The following ERAP1 variants were observed in gnomAD, a reference collection of about 807,000 sequenced individuals.
ERAP1 encodes endoplasmic reticulum aminopeptidase 1.
In ERAP1, 86 loss-of-function variants were observed where a neutral mutation model predicts 103.7. The observed-to-expected ratio is 0.83, with a 90% confidence interval of 0.70 to 0.99. The LOEUF (loss-of-function observed/expected upper bound fraction) is 0.99. ERAP1 is among the 50% of genes least tolerant of loss of function. The pLI is 0.00. For synonymous variants in ERAP1, 398 were observed against 402.4 expected (o/e 0.99, Z 0.13); for missense variants, 1,009 against 1,128.4 (o/e 0.89, Z 1.52).
At chr5:96,869,043 GTC>G in the ERAP1 span, among the ~76,000 whole-genome samples, 2 of 151,768 alleles carry the variant, frequency 1.3e-5, no homozygotes, top group African/African-American at 4.8e-5. Flanking sequence ...CAACACAGGA[GTC>G]TCTGCAGTTA....
At chr5:96,866,243 T>C in the ERAP1 span, among the ~76,000 whole-genome samples, 1 of 152,222 alleles carries the variant, frequency 6.6e-6, no homozygotes, top group Non-Finnish European at 1.5e-5. Context: ...TCTCTTCCCC[T>C]TCCTAAGTGT....
At chr5:96,825,564 C>G in the ERAP1 span, among the ~76,000 whole-genome samples, 52 of 152,242 alleles carry the variant, frequency 3.4e-4, no homozygotes, top group African/African-American at 1.2e-3. Flanking sequence ...AGAACTTGAC[C>G]TATAGCATGT....
chr5:96,850,828 G>A, the ERAP1 span, among the ~76,000 whole-genome samples: 2,715 of 152,230 alleles, frequency 0.018, 105 homozygotes, highest in East Asian at 0.12. Context: ...TTTGTACACA[G>A]AATAGTTGAG....
chr5:96,901,612 G>C, the ERAP1 span: 1 of 1,614,104 alleles, frequency 6.2e-7, no homozygotes, highest in African/African-American at 1.3e-5. Context: ...TGTTCACTCC[G>C]ACTGCAACAG....
chr5:96,843,517 G>T, the ERAP1 span, among the ~76,000 whole-genome samples: 1 of 152,228 alleles, frequency 6.6e-6, no homozygotes, highest in Non-Finnish European at 1.5e-5. Flanking sequence ...ATGCACAGAA[G>T]TGGGGAGGTT....
At chr5:96,855,515 T>G in the ERAP1 span, among the ~76,000 whole-genome samples, 1 of 152,214 alleles carries the variant, frequency 6.6e-6, no homozygotes, top group Non-Finnish European at 1.5e-5. Context: ...CAGATGAACA[T>G]TCTCTGTGGA....
chr5:96,910,957 T>C, the ERAP1 span, among the ~76,000 whole-genome samples: 3 of 152,234 alleles, frequency 2.0e-5, no homozygotes, highest in Non-Finnish European at 4.4e-5. Flanking sequence ...TTGTTACCAA[T>C]TGTTATAAAG....
chr5:96,767,930 C>T, intron 19 of ERAP1: 1 of 1,613,340 alleles, frequency 6.2e-7, no homozygotes, highest in Non-Finnish European at 8.5e-7. Flanking sequence ...ACCAAGACCC[C>T]ATTGATGCTC....
the ERAP1 span, among the ~76,000 whole-genome samples, chr5:96,865,966 G>A: frequency 2.6e-5 from 4 of 152,100 alleles, no homozygotes; most frequent in Admixed American, 6.6e-5. Context: ...TTTACTCTAC[G>A]CATGTATGTT....
chr5:96,870,810 G>C, the ERAP1 span, among the ~76,000 whole-genome samples: 1 of 152,136 alleles, frequency 6.6e-6, no homozygotes, highest in Non-Finnish European at 1.5e-5. Flanking sequence ...CCAGAGCAGA[G>C]ACTTATCTGC....
At chr5:96,788,478 A>G (rs1353334860) in intron 11 of ERAP1, 53 bp downstream of exon 11, 11 of 1,603,424 alleles carry the variant, frequency 6.9e-6, no homozygotes, top group Non-Finnish European at 9.4e-6. Context: ...GTTCCATCCT[A>G]CAAGGCAGAT....
Position 96,795,112 on chromosome 5 carries a change from C to T in ERAP1, c.849G>A (p.Leu283=). 6.2e-7 allele frequency: 1 copy of T among 1,613,926 alleles called. No homozygotes were observed. Among genetic ancestry groups the T allele is most frequent in the Non-Finnish European group, 8.5e-7 (1 of 1,179,954 alleles). The stretch of plus-strand genomic sequence containing the variant: ...ATTCTAGAAGAGTCACCGCAGCATC[C>T]AGTGCATAATCTGCTTGATTTATCT... ...PDKINQADYA[L]DAAVTLLEFY... is the part of the protein sequence containing the mutation. Residue 283 remains leucine, a synonymous_variant, in exon 5 of 19, where the codon CTG becomes CTA. Coordinates refer to ENST00000443439, the MANE Select transcript of ERAP1 (RefSeq NM_001040458.3).
At chr5:96,835,080 G>A in the ERAP1 span, among the ~76,000 whole-genome samples, 1 of 152,200 alleles carries the variant, frequency 6.6e-6, no homozygotes, top group African/African-American at 2.4e-5. Context: ...GCTGTTAGGC[G>A]TGTACTAGTG....
chr5:96,933,357 G>A, the ERAP1 span, among the ~76,000 whole-genome samples: 1 of 151,228 alleles, frequency 6.6e-6, no homozygotes, highest in East Asian at 1.9e-4. Flanking sequence ...CTCACCCTCC[G>A]GAATAGCTGG....
chr5:96,779,815 T>G (rs1281619850), intron 18 of ERAP1, among the ~76,000 whole-genome samples: 1 of 152,210 alleles, frequency 6.6e-6, no homozygotes, highest in Non-Finnish European at 1.5e-5. Flanking sequence ...TGAGAATAAC[T>G]CATACTGATT....
chr5:96,778,941 T>A (rs1774754878), intron 18 of ERAP1, among the ~76,000 whole-genome samples: 1 of 152,162 alleles, frequency 6.6e-6, no homozygotes, highest in Admixed American at 6.5e-5. Context: ...TATGATAACA[T>A]CTCGGGCTCT....
chr5:96,776,637 A>T, intron 18 of ERAP1, 86 bp from the exon 19 acceptor site: 2 of 1,552,384 alleles, frequency 1.3e-6, no homozygotes, highest in Admixed American at 1.9e-5. Context: ...CCAAAATTCC[A>T]GCATTTGTCA....
chr5:96,777,036 T>C (rs920032081), intron 18 of ERAP1: 1 of 155,658 alleles, frequency 6.4e-6, no homozygotes, highest in African/African-American at 2.4e-5. Context: ...TAGCAAGTTA[T>C]GGCGGTAAGA....
chr5:96,797,099 C>T, intron 4 of ERAP1, 76 bp downstream of exon 4: 1 of 1,587,356 alleles, frequency 6.3e-7, no homozygotes, highest in South Asian at 1.1e-5. Flanking sequence ...TGCGCTCAGG[C>T]AGACTTCCAG....
Sources: gnomAD v4.1 joint callset for allele counts (sites outside exome capture counted in the v4.1 genomes callset) on GRCh38, gnomAD v4.1.1 for gene constraint, MANE v1.5 for transcripts, NCBI Gene and HGNC (gene_info 2026-07-23, HGNC 2026-07-21) for gene names.